LRCH1: variants seen among roughly 807,000 people sequenced by gnomAD.
LRCH1 encodes the protein leucine-rich repeat and calponin homology domain-containing protein 1.
A neutral mutation model predicts 94.9 loss-of-function variants in LRCH1; 23 were observed. The observed-to-expected ratio is 0.24, with a 90% confidence interval of 0.17 to 0.34. LRCH1 has a LOEUF of 0.34. Among genes scored for constraint, LRCH1 ranks in the 10% least tolerant of loss-of-function variants. The pLI, the probability that LRCH1 is intolerant of heterozygous loss-of-function variation, is 1.00. For synonymous variants in LRCH1, 364 were observed against 354.9 expected, an observed-to-expected ratio of 1.03 and a Z score of -0.29; for missense variants, 790 against 945.9, an observed-to-expected ratio of 0.84 and a Z score of 2.16.
intron 1 of LRCH1, among the ~76,000 whole-genome samples, chr13:46,573,866 A>ATATATATATATATTTTTTTTTT: frequency 1.6e-4 from 10 of 63,390 alleles, no homozygotes; most frequent in Non-Finnish European, 2.2e-4. Flanking sequence ...ATATATATAT[A>ATATATATATATATTTTTTTTTT]TTTTTTTTTT....
chr13:46,747,544 G>A (rs565664993), downstream of LRCH1, among the ~76,000 whole-genome samples: 3 of 152,268 alleles, frequency 2.0e-5, no homozygotes, highest in African/African-American at 7.2e-5. Flanking sequence ...GGGAATACTC[G>A]TGCTAGAATT....
intron 3 of LRCH1, among the ~76,000 whole-genome samples, chr13:46,670,562 A>G (rs773889071): frequency 2.0e-5 from 3 of 152,196 alleles, no homozygotes; most frequent in Non-Finnish European, 4.4e-5. Context: ...CCCAAGGCAC[A>G]TGGTCACACT....
intron 1 of LRCH1, among the ~76,000 whole-genome samples, chr13:46,642,482 G>A (rs958695559): frequency 7.2e-5 from 11 of 152,170 alleles, no homozygotes; most frequent in Non-Finnish European, 1.3e-4. Flanking sequence ...GCTAGGTTGT[G>A]ATGAGGATTA....
chr13:46,739,968 T>C (rs995418380), intron 19 of LRCH1, among the ~76,000 whole-genome samples: 3 of 152,216 alleles, frequency 2.0e-5, no homozygotes, highest in Admixed American at 2.0e-4. Context: ...TCCTTAGGGT[T>C]CTGCGAAATG....
chr13:46,730,682 A>C (rs376467216), intron 18 of LRCH1, among the ~76,000 whole-genome samples: 1 of 152,226 alleles, frequency 6.6e-6, no homozygotes, highest in Non-Finnish European at 1.5e-5. Flanking sequence ...AATGTGGGAC[A>C]GTAAATTCTG....
At chr13:46,559,336 A>G (rs565110988) in intron 1 of LRCH1, among the ~76,000 whole-genome samples, 1 of 152,310 alleles carries the variant, frequency 6.6e-6, no homozygotes, top group East Asian at 1.9e-4. Flanking sequence ...GGTGGTTACT[A>G]TCAGATAAAT....
chr13:46,690,813 T>C (rs1231090118), intron 7 of LRCH1, among the ~76,000 whole-genome samples: 1 of 152,204 alleles, frequency 6.6e-6, no homozygotes, highest in African/African-American at 2.4e-5. Context: ...TTACATAGCT[T>C]CCTATTTTCA....
chr13:46,576,089 T>A (rs1363874039), intron 1 of LRCH1, among the ~76,000 whole-genome samples: 3 of 152,176 alleles, frequency 2.0e-5, no homozygotes, highest in Non-Finnish European at 4.4e-5. Flanking sequence ...ACATGCTGAT[T>A]ATGGCCAAAG....
intron 1 of LRCH1, among the ~76,000 whole-genome samples, chr13:46,605,025 T>C (rs1341191888): frequency 6.6e-6 from 1 of 152,202 alleles, no homozygotes; most frequent in Non-Finnish European, 1.5e-5. Flanking sequence ...ATGGTGCCAG[T>C]TCTTAAAGAA....
intron 2 of LRCH1, among the ~76,000 whole-genome samples, chr13:46,657,203 T>A (rs1486710654): frequency 1.3e-5 from 2 of 151,988 alleles, no homozygotes; most frequent in African/African-American, 2.4e-5. Flanking sequence ...TTACAATATA[T>A]ATATTGTCAA....
At chr13:46,604,693 G>A (rs1204182081) in intron 1 of LRCH1, among the ~76,000 whole-genome samples, 1 of 152,156 alleles carries the variant, frequency 6.6e-6, no homozygotes, top group Non-Finnish European at 1.5e-5. Context: ...AATGAGATAT[G>A]CCAGAAAAAT....
At position 46,711,768 on chromosome 13, in the gene LRCH1, A is replaced by G. The variant is rs1160519224; in HGVS notation, c.1528-23A>G. The G allele has an allele frequency of 2.5e-6, 4 of 1,604,004 alleles. No homozygotes were observed. The South Asian group carries it at 4.4e-5, about 18-fold the overall frequency. The stretch of plus-strand genomic sequence containing the variant: ...GTTTCACAGTCTAATGGAACATACC[A>G]TGCTTTGTTCTTCTTTTTTAAGGTG... On this transcript the variant is annotated intron_variant, in intron 13 of 19. Transcript: ENST00000389797.
intron 8 of LRCH1, 83 bp from the exon 9 acceptor site, chr13:46,694,810 T>TTAGATCA (rs1871090048): frequency 1.4e-6 from 2 of 1,460,600 alleles, no homozygotes; most frequent in Non-Finnish European, 1.9e-6. Flanking sequence ...CTTGAAGTGA[T>TTAGATCA]TAGATCATAT....
intron 16 of LRCH1, among the ~76,000 whole-genome samples, chr13:46,718,072 TC>T (rs1483721062): frequency 6.6e-6 from 1 of 152,228 alleles, no homozygotes; most frequent in African/African-American, 2.4e-5. Flanking sequence ...CTTCTGCTTT[TC>T]CCCCTGCTCT....
chr13:46,625,376 G>A (rs2050933166), intron 1 of LRCH1, among the ~76,000 whole-genome samples: 1 of 152,232 alleles, frequency 6.6e-6, no homozygotes, highest in South Asian at 2.1e-4. Context: ...TGGCCCCCAG[G>A]GCGATGGTAT....
intron 1 of LRCH1, among the ~76,000 whole-genome samples, chr13:46,649,372 T>C (rs957266073): frequency 1.3e-5 from 2 of 152,214 alleles, no homozygotes; most frequent in African/African-American, 4.8e-5. Flanking sequence ...GACAATCATG[T>C]CTCCCATTCA....
intron 1 of LRCH1, among the ~76,000 whole-genome samples, chr13:46,588,596 CTTTTTTT>C (rs139602811): frequency 2.0e-5 from 2 of 100,154 alleles, no homozygotes; most frequent in Non-Finnish European, 2.0e-5. Context: ...CTCTCTCTGT[CTTTTTTT>C]TTTTTTTTTT....
intron 3 of LRCH1, among the ~76,000 whole-genome samples, chr13:46,670,812 G>T (rs1339122309): frequency 1.1e-5 from 1 of 94,808 alleles, no homozygotes; most frequent in Non-Finnish European, 2.2e-5. Flanking sequence ...TTCCTAGGAG[G>T]AAAAAAGAAG....
intron 1 of LRCH1, among the ~76,000 whole-genome samples, chr13:46,593,233 T>G (rs2137965910): frequency 6.6e-6 from 1 of 151,272 alleles, no homozygotes; most frequent in African/African-American, 2.4e-5. Context: ...CAACAAGACT[T>G]GAAATAAAAA....
Sources: gnomAD v4.1 joint callset for allele counts (sites outside exome capture counted in the v4.1 genomes callset) on GRCh38, gnomAD v4.1.1 for gene constraint, MANE v1.5 for transcripts, NCBI Gene and HGNC (gene_info 2026-07-23, HGNC 2026-07-21) for gene names.